Variants in IPO11 observed in about 807,000 individuals in gnomAD.
IPO11 encodes the protein importin 11, also known as importin-11.
IPO11 carries 66 observed loss-of-function variants against 143.2 expected under a neutral mutation model. The ratio of observed to expected loss-of-function variants is 0.46; its 90% CI spans 0.38 to 0.57. IPO11 has a LOEUF of 0.57. Among genes scored for constraint, IPO11 ranks in the 20% least tolerant of loss-of-function variants. The probability of loss-of-function intolerance (pLI) is 0.00; values close to 1 mark genes in which losing one functional copy is unlikely to be tolerated. For synonymous variants in IPO11, 385 were observed against 377.8 expected (o/e 1.02, Z -0.22); for missense variants, 1,026 against 1,141.0 (o/e 0.90, Z 1.45).
chr5:62,422,994 T>C (rs2112099692), intron 1 of IPO11, among the ~76,000 whole-genome samples: 1 of 152,184 alleles, frequency 6.6e-6, no homozygotes, highest in Non-Finnish European at 1.5e-5. Flanking sequence ...AGCAAGAAAA[T>C]ATCAGAAAGG....
At chr5:62,580,592 G>A in intron 27 of IPO11, 1 of 1,551,344 alleles carries the variant, frequency 6.4e-7, no homozygotes, top group Non-Finnish European at 8.7e-7. Flanking sequence ...AACATCTATT[G>A]TCAGAATCCC....
chr5:62,515,314 C>G (rs1741977470), intron 19 of IPO11, 74 bp from the exon 20 acceptor site: 4 of 894,514 alleles, frequency 4.5e-6, no homozygotes, highest in African/African-American at 3.4e-5. Flanking sequence ...TAATAGTGCT[C>G]TCATTGTTTT....
intron 27 of IPO11, chr5:62,575,944 C>T (rs1019678030): frequency 1.3e-5 from 2 of 152,122 alleles, no homozygotes; most frequent in African/African-American, 4.8e-5. Context: ...ATTTACCTTT[C>T]ATTAGTTTAA....
intron 20 of IPO11, among the ~76,000 whole-genome samples, chr5:62,521,213 A>G (rs898352633): frequency 1.3e-5 from 2 of 152,170 alleles, no homozygotes; most frequent in Admixed American, 1.3e-4. Flanking sequence ...CTTGTTTTAC[A>G]TTCTTTTTCT....
chr5:62,545,970 A>G (rs1056320460), intron 24 of IPO11, among the ~76,000 whole-genome samples: 19 of 152,218 alleles, frequency 1.2e-4, no homozygotes, highest in African/African-American at 4.3e-4. Context: ...GAGGATGTGG[A>G]GAAATAGGAA....
intron 16 of IPO11, among the ~76,000 whole-genome samples, chr5:62,497,288 A>G (rs1741189731): frequency 6.6e-6 from 1 of 152,216 alleles, no homozygotes; most frequent in South Asian, 2.1e-4. Context: ...AGCTAACAGA[A>G]GAAGCACTTG....
intron 3 of IPO11, among the ~76,000 whole-genome samples, chr5:62,444,724 C>A (rs1290908243): frequency 6.6e-6 from 1 of 151,872 alleles, no homozygotes; most frequent in Admixed American, 6.6e-5. Context: ...CAAAAATTAG[C>A]CAGGTGTGGT....
In IPO11 at chr5:62,567,652, G is replaced by A. The variant is rs1201447235; in HGVS notation, c.2582+6395G>A. On this transcript the variant is annotated intron_variant, in intron 27 of 29. Transcript: ENST00000325324. Reference sequence around the variant, plus strand: ...ATCTCGGCCCACTGCAACCTCCGCCGCCTGGGTTCAAGCAATTCTTCTGCC... The same window carrying A: ...ATCTCGGCCCACTGCAACCTCCGCCACCTGGGTTCAAGCAATTCTTCTGCC... Among the ~76,000 whole-genome samples the A allele has an allele frequency of 5.9e-5, 8 of 134,474 alleles. No individual in the cohort carries two copies. The South Asian group carries it at 7.7e-4, about 13-fold the overall frequency. The allele number at this position is 134,474 out of a possible 152,430, so 88.2% of individuals were successfully genotyped here. A position where few individuals can be genotyped will look rare whatever the true frequency, so the allele number is the denominator to read the frequency against.
At chr5:62,476,628 G>A in intron 8 of IPO11, 55 bp from the exon 9 acceptor site, 1 of 1,454,222 alleles carries the variant, frequency 6.9e-7, no homozygotes, top group Non-Finnish European at 9.2e-7. Flanking sequence ...AAATTTTGAT[G>A]TTGTCTTGGT....
At chr5:62,520,336 A>G (rs983091317) in intron 20 of IPO11, among the ~76,000 whole-genome samples, 1 of 151,812 alleles carries the variant, frequency 6.6e-6, no homozygotes, top group Admixed American at 6.6e-5. Context: ...TTCCTCAGTG[A>G]TGTTTTGTTA....
chr5:62,517,068 G>A (rs1343510733), intron 20 of IPO11, among the ~76,000 whole-genome samples: 1 of 151,930 alleles, frequency 6.6e-6, no homozygotes. Context: ...CGTGGTGGCG[G>A]GTGCCTGTAG....
intron 24 of IPO11, among the ~76,000 whole-genome samples, chr5:62,544,623 A>G (rs560359723): frequency 1.1e-4 from 17 of 152,190 alleles, no homozygotes; most frequent in Non-Finnish European, 2.5e-4. Flanking sequence ...GGAGAAAGAA[A>G]TCAATGATAT....
chr5:62,593,932 CATAA>C lies in IPO11; in HGVS notation c.2678+2266_2678+2269del, dbSNP rs1210738888. ...AGTTACAGTCCATGAGACTATAAGG[CATAA>C]ATAAACTTTCAGAAATGCCTGTGTG... On this transcript the variant is annotated intron_variant, in intron 28 of 29. Coordinates refer to ENST00000325324, the MANE Select transcript of IPO11 (RefSeq NM_016338.5). 2.0e-5 allele frequency among the ~76,000 whole-genome samples: 3 copies of C among 152,282 alleles called. No individual in the cohort carries two copies. In the South Asian group the frequency reaches 6.2e-4, roughly 32 times the overall value.
chr5:62,424,827 G>C (rs964238806), intron 1 of IPO11, among the ~76,000 whole-genome samples: 2 of 152,048 alleles, frequency 1.3e-5, no homozygotes, highest in African/African-American at 4.8e-5. Flanking sequence ...ACTCTTGTCT[G>C]TTCTTGTTCC....
intron 20 of IPO11, among the ~76,000 whole-genome samples, chr5:62,522,521 C>T (rs1338582493): frequency 2.6e-5 from 4 of 152,114 alleles, no homozygotes; most frequent in Non-Finnish European, 4.4e-5. Flanking sequence ...CTGACCTCAG[C>T]TGATCTGCCC....
At chr5:62,539,161 A>G (rs1046445871) in intron 24 of IPO11, among the ~76,000 whole-genome samples, 4 of 152,274 alleles carry the variant, frequency 2.6e-5, no homozygotes, top group African/African-American at 9.6e-5. Context: ...GAGTTTCTTT[A>G]TAATACTTAT....
intron 3 of IPO11, among the ~76,000 whole-genome samples, chr5:62,448,691 C>T (rs1744802632): frequency 6.6e-6 from 1 of 152,132 alleles, no homozygotes; most frequent in East Asian, 1.9e-4. Flanking sequence ...CCTCAGACTA[C>T]AGGTGTATGC....
chr5:62,580,220 A>G (rs550260544), intron 27 of IPO11: 78 of 1,550,866 alleles, frequency 5.0e-5, no homozygotes, highest in Admixed American at 2.7e-4. Context: ...CTCCTGAAAA[A>G]TTCAAGAATT....
intron 1 of IPO11, among the ~76,000 whole-genome samples, chr5:62,433,843 C>G (rs1358320058): frequency 6.6e-6 from 1 of 151,656 alleles, no homozygotes; most frequent in Non-Finnish European, 1.5e-5. Flanking sequence ...TGAGGGTTGG[C>G]AGTAGTCAGT....
Sources: allele counts gnomAD v4.1 joint callset (sites outside exome capture counted in the v4.1 genomes callset), GRCh38; gene constraint gnomAD v4.1.1; transcripts MANE v1.5; gene names NCBI Gene and HGNC (gene_info 2026-07-23, HGNC 2026-07-21).